The following NTN4 variants were observed in gnomAD, a reference collection of about 807,000 sequenced individuals.
The protein encoded by NTN4 is netrin-4.
A neutral mutation model predicts 73.6 loss-of-function variants in NTN4; 32 were observed. That is an observed-to-expected ratio of 0.44 (90% CI 0.33 to 0.58). The LOEUF is 0.58. NTN4 is among the 20% of genes least tolerant of loss of function. NTN4 has a pLI of 0.04. For missense variants in NTN4, 654 were observed against 798.3 expected, an observed-to-expected ratio of 0.82 and a Z score of 2.18; for synonymous variants, 258 against 287.5, an observed-to-expected ratio of 0.90 and a Z score of 1.04.
chr12:95,727,912 G>A (rs1257919338), intron 3 of NTN4, among the ~76,000 whole-genome samples: 1 of 152,108 alleles, frequency 6.6e-6, no homozygotes, highest in East Asian at 1.9e-4. Flanking sequence ...ATAATATTAA[G>A]CCTTCTAATT....
intron 3 of NTN4, among the ~76,000 whole-genome samples, chr12:95,737,077 C>T (rs2121173260): frequency 6.6e-6 from 1 of 152,310 alleles, no homozygotes; most frequent in Non-Finnish European, 1.5e-5. Context: ...CAATCCCCAT[C>T]CATAGTCTCT....
At chr12:95,681,769 T>G (rs2078317864) in intron 7 of NTN4, among the ~76,000 whole-genome samples, 1 of 152,236 alleles carries the variant, frequency 6.6e-6, no homozygotes, top group African/African-American at 2.4e-5. Context: ...GAGGAGCCCA[T>G]ATTGAGTAAA....
chr12:95,781,463 G>A lies in NTN4; in HGVS notation c.585+5476C>T, dbSNP rs1277843107. Among the ~76,000 whole-genome samples the A allele has an allele frequency of 6.6e-6, 1 of 152,100 alleles. No homozygotes were observed. Among genetic ancestry groups the A allele is most frequent in the Non-Finnish European group, 1.5e-5 (1 of 68,026 alleles). On this transcript the variant is annotated intron_variant, in intron 2 of 9. Coordinates refer to ENST00000343702, the MANE Select transcript of NTN4 (RefSeq NM_021229.4). This position sits in a 1 kb window ranked among gnomAD's most constrained non-coding sequence, Gnocchi z 4.1. ...TCTGTTTTAAAAATAGCAAACCTGGGTGGGAGGAGGGCGAGCATCAGGAAG... is the reference window on the plus strand; with the variant it reads ...TCTGTTTTAAAAATAGCAAACCTGGATGGGAGGAGGGCGAGCATCAGGAAG...
intron 3 of NTN4, among the ~76,000 whole-genome samples, chr12:95,727,415 C>T (rs1555218043): frequency 6.6e-6 from 1 of 152,034 alleles, no homozygotes; most frequent in African/African-American, 2.4e-5. Context: ...CTTTGATGCA[C>T]AAAAGTTTTT....
At chr12:95,724,148 C>T (rs11108215) in intron 3 of NTN4, among the ~76,000 whole-genome samples, 10,700 of 152,194 alleles carry the variant, frequency 0.07, 1,094 homozygotes, top group East Asian at 0.56. Context: ...TTCCTCTTTT[C>T]AGTATCATCA....
intron 2 of NTN4, among the ~76,000 whole-genome samples, chr12:95,740,232 CA>C (rs1309322345): frequency 1.1e-4 from 16 of 152,366 alleles, no homozygotes; most frequent in African/African-American, 3.4e-4. Context: ...TCCGCCAGTA[CA>C]GATGCTTCCA....
In NTN4 at chr12:95,710,582, C is replaced by T; in HGVS notation, c.1039G>A (p.Val347Met). The change falls in exon 5 of 10, where the codon GTG (valine) becomes ATG (methionine). Residue 347 changes from valine to methionine, a missense_variant. Transcript: ENST00000343702. ...HADTCHFDVN[V>M]WEASGNRSGG... Reference sequence around the variant, plus strand: ...CTACGATTCCCTGATGCCTCCCACACATTAACGTCGAAGTGACAGGTATCA... The same window carrying T: ...CTACGATTCCCTGATGCCTCCCACATATTAACGTCGAAGTGACAGGTATCA... 6.2e-7 allele frequency: 1 copy of T among 1,614,182 alleles called. No individual in the cohort carries two copies.
chr12:95,702,712 A>T (rs1168368604), intron 5 of NTN4, among the ~76,000 whole-genome samples: 1 of 152,176 alleles, frequency 6.6e-6, no homozygotes, highest in East Asian at 1.9e-4. Context: ...CTTAGGGAAG[A>T]TCTTCTGATT....
chr12:95,661,711 A>C (rs969118410), intron 9 of NTN4, among the ~76,000 whole-genome samples: 1 of 152,242 alleles, frequency 6.6e-6, no homozygotes, highest in Non-Finnish European at 1.5e-5. Context: ...AGATTACAGA[A>C]GATAGAAGAG....
intron 2 of NTN4, among the ~76,000 whole-genome samples, chr12:95,757,719 G>A (rs2121235899): frequency 6.9e-6 from 1 of 144,100 alleles, no homozygotes; most frequent in Non-Finnish European, 1.6e-5. Flanking sequence ...GAGCAATATG[G>A]GAAAATAGTG....
At chr12:95,764,676 CAAAA>C (rs11326708) in intron 2 of NTN4, among the ~76,000 whole-genome samples, 9 of 98,860 alleles carry the variant, frequency 9.1e-5, no homozygotes, top group Non-Finnish European at 8.2e-5. Context: ...CCGCCCCGAC[CAAAA>C]AAAAAAAAAA....
At chr12:95,700,406 C>T (rs751956949) in intron 5 of NTN4, among the ~76,000 whole-genome samples, 21 of 152,050 alleles carry the variant, frequency 1.4e-4, no homozygotes, top group African/African-American at 1.9e-4. Context: ...TCTGTCCGGA[C>T]GCCCTGTTGG....
intron 1 of NTN4, 139 bp from the exon 2 acceptor site, chr12:95,787,607 C>G (rs1565921328): frequency 2.7e-6 from 2 of 730,926 alleles, no homozygotes; most frequent in Non-Finnish European, 4.5e-6. Flanking sequence ...TACCATGCTC[C>G]ACCATGTTCC....
intron 2 of NTN4, among the ~76,000 whole-genome samples, chr12:95,755,992 G>A (rs184180445): frequency 7.0e-4 from 107 of 152,212 alleles, no homozygotes; most frequent in Non-Finnish European, 1.1e-3. Context: ...TGTCAGAAAC[G>A]TCCTTAGCAA....
intron 9 of NTN4, among the ~76,000 whole-genome samples, chr12:95,661,394 G>A (rs2078136884): frequency 6.6e-6 from 1 of 152,168 alleles, no homozygotes; most frequent in African/African-American, 2.4e-5. Flanking sequence ...TGAAATTATT[G>A]ATTCAGGAAA....
rs2079131631 is a variant in NTN4, at chr12:95,781,311, TTAAA to T, written c.585+5624_585+5627del. Among the ~76,000 whole-genome samples, 1 of 151,958 alleles carries T rather than the reference TTAAA, an allele frequency of 6.6e-6. No homozygotes were observed. The highest frequency in any genetic ancestry group is 1.5e-5 in the Non-Finnish European group (1 of 67,968). Reference sequence around the variant, plus strand: ...AGAACTTAAAGTATAATAAAAAAATTTAAAAAACCATACCATTACCATAAAGCAA... The same window carrying T: ...AGAACTTAAAGTATAATAAAAAAATTAAACCATACCATTACCATAAAGCAA... On this transcript the variant is annotated intron_variant, in intron 2 of 9. Transcript: ENST00000343702. The surrounding 1 kb of genome is among the most constrained non-coding windows in gnomAD (Gnocchi z 4.1).
chr12:95,680,833 C>G (rs957713217), intron 7 of NTN4, among the ~76,000 whole-genome samples: 10 of 152,136 alleles, frequency 6.6e-5, no homozygotes, highest in Admixed American at 6.5e-4. Flanking sequence ...CCTGCTTAAG[C>G]CTCCTGAGTA....
At chr12:95,742,373 A>G (rs919619354) in intron 2 of NTN4, among the ~76,000 whole-genome samples, 2 of 152,066 alleles carry the variant, frequency 1.3e-5, no homozygotes, top group African/African-American at 4.8e-5. Flanking sequence ...GTTAAAAAAA[A>G]AAAAAAGCAT....
At chr12:95,700,037 C>T (rs1206268104) in intron 5 of NTN4, among the ~76,000 whole-genome samples, 2 of 106,838 alleles carry the variant, frequency 1.9e-5, no homozygotes, top group South Asian at 3.1e-4. Context: ...ACAGGCATTT[C>T]TTTAAACACC....
Sources: allele counts gnomAD v4.1 joint callset (sites outside exome capture counted in the v4.1 genomes callset), GRCh38; gene constraint gnomAD v4.1.1; non-coding constraint Gnocchi (gnomAD v3.1); transcripts MANE v1.5; gene names NCBI Gene and HGNC (gene_info 2026-07-23, HGNC 2026-07-21).